CTNNA2: variants seen among roughly 807,000 people sequenced by gnomAD.
CTNNA2 encodes the protein catenin alpha-2.
CTNNA2 carries 42 observed loss-of-function variants against 101.0 expected under a neutral mutation model. That is an observed-to-expected ratio of 0.42 (90% CI 0.32 to 0.54). The LOEUF is 0.54. Among genes scored for constraint, CTNNA2 ranks in the 20% least tolerant of loss-of-function variants. CTNNA2 has a pLI of 0.14. For missense variants in CTNNA2, 871 were observed against 1,223.1 expected, an observed-to-expected ratio of 0.71 and a Z score of 4.29; for synonymous variants, 450 against 456.4, an observed-to-expected ratio of 0.99 and a Z score of 0.18.
At chr2:80,354,619 A>G (rs1340952963) in intron 7 of CTNNA2, among the ~76,000 whole-genome samples, 1 of 152,160 alleles carries the variant, frequency 6.6e-6, no homozygotes, top group Non-Finnish European at 1.5e-5. Flanking sequence ...AGTCTTAGGG[A>G]GGATAGCATT....
rs200571649 is a variant in CTNNA2 at position 79,325,766 on chromosome 2, A to G, written c.-318+12970A>G. ...CATTGCACCTTGTTCTTGTTTCATC[A>G]CAACACTTATCATACTGCTGACCAT... is the stretch of plus-strand genomic sequence containing the variant. On this transcript the variant is annotated intron_variant, in intron 3 of 21. Coordinates refer to the CTNNA2 transcript ENST00000466387. Among the ~76,000 whole-genome samples the G allele has an allele frequency of 2.0e-5, 3 of 152,160 alleles. No homozygotes were observed. In the East Asian group the frequency reaches 5.8e-4, roughly 29 times the overall value.
At chr2:80,279,052 G>A (rs1454043286) in intron 7 of CTNNA2, among the ~76,000 whole-genome samples, 1 of 69,030 alleles carries the variant, frequency 1.4e-5, no homozygotes, top group Admixed American at 1.7e-4. Flanking sequence ...ACTTTTACGT[G>A]TGTGTGTGTG....
At chr2:79,931,211 A>G (rs1687417605) in intron 7 of CTNNA2, among the ~76,000 whole-genome samples, 1 of 152,198 alleles carries the variant, frequency 6.6e-6, no homozygotes, top group Non-Finnish European at 1.5e-5. Flanking sequence ...CTTGTATGTT[A>G]TTGACTCACC....
intron 6 of CTNNA2, among the ~76,000 whole-genome samples, chr2:79,880,920 A>G (rs1406867035): frequency 1.3e-5 from 2 of 151,994 alleles, no homozygotes; most frequent in Non-Finnish European, 2.9e-5. Flanking sequence ...TAGTGTGTCG[A>G]CTTGAGATCT....
At position 80,620,673 on chromosome 2, in the gene CTNNA2, C is replaced by T. The variant is rs562031157; in HGVS notation, c.2574+1445C>T. On this transcript the variant is annotated intron_variant, in intron 18 of 18. Coordinates refer to ENST00000402739, the MANE Select transcript of CTNNA2 (RefSeq NM_001282597.3). ...GGTTTATCCCTCTTAAGTCTCTGAC[C>T]TACCTTCCATTAAAAGTACTAGACC... Among the ~76,000 whole-genome samples, 10 of 151,994 alleles carry T rather than the reference C, an allele frequency of 6.6e-5. No individual in the cohort carries two copies. In the South Asian group the frequency reaches 2.1e-3, roughly 32 times the overall value.
intron 7 of CTNNA2, among the ~76,000 whole-genome samples, chr2:80,048,150 GTA>G (rs1456622306): frequency 6.6e-6 from 1 of 151,990 alleles, no homozygotes; most frequent in Non-Finnish European, 1.5e-5. Flanking sequence ...CAACAACAGA[GTA>G]TCCAGTTAAA....
intron 1 of CTNNA2, among the ~76,000 whole-genome samples, chr2:79,620,149 T>A (rs948868243): frequency 3.9e-5 from 6 of 152,202 alleles, no homozygotes; most frequent in African/African-American, 9.6e-5. Flanking sequence ...GGCTTAACAT[T>A]CTTTAGTTGC....
intron 2 of CTNNA2, among the ~76,000 whole-genome samples, chr2:79,684,299 C>T (rs772942854): frequency 1.3e-5 from 2 of 152,002 alleles, no homozygotes; most frequent in Non-Finnish European, 2.9e-5. Context: ...TATCTTCTGC[C>T]CTGTTCTTTT....
intron 9 of CTNNA2, among the ~76,000 whole-genome samples, chr2:80,424,130 AT>A (rs1680776642): frequency 6.6e-6 from 1 of 152,022 alleles, no homozygotes; most frequent in Non-Finnish European, 1.5e-5. Flanking sequence ...TAATTTTTGT[AT>A]TTTTAGTAGA....
At chr2:79,528,312 C>CA (rs1166032528) in intron 1 of CTNNA2, among the ~76,000 whole-genome samples, 5 of 152,040 alleles carry the variant, frequency 3.3e-5, no homozygotes, top group African/African-American at 1.2e-4. Context: ...CCTAGACACA[C>CA]ACGATCCTCT....
intron 1 of CTNNA2, among the ~76,000 whole-genome samples, chr2:79,576,070 A>G (rs1411469064): frequency 6.6e-6 from 1 of 151,986 alleles, no homozygotes; most frequent in Admixed American, 6.6e-5. Flanking sequence ...CTTTTTTTGG[A>G]CTTACTTATG....
At chr2:80,176,508 C>T (rs1573306971) in intron 7 of CTNNA2, among the ~76,000 whole-genome samples, 1 of 152,322 alleles carries the variant, frequency 6.6e-6, no homozygotes, top group South Asian at 2.1e-4. Context: ...CTTCTACTAC[C>T]TATTCTGTAT....
intron 3 of CTNNA2, among the ~76,000 whole-genome samples, chr2:79,813,452 T>C (rs1677210151): frequency 6.6e-6 from 1 of 152,318 alleles, no homozygotes; most frequent in East Asian, 1.9e-4. Context: ...TATTGATGAA[T>C]TGAATTATGG....
chr2:80,153,715 C>T (rs1446142997), intron 7 of CTNNA2, among the ~76,000 whole-genome samples: 1 of 152,156 alleles, frequency 6.6e-6, no homozygotes, highest in Admixed American at 6.6e-5. Flanking sequence ...CTAATTAAAA[C>T]AACAACAACA....
At chr2:80,067,479 G>A (rs1468735824) in intron 7 of CTNNA2, among the ~76,000 whole-genome samples, 1 of 152,024 alleles carries the variant, frequency 6.6e-6, no homozygotes, top group Non-Finnish European at 1.5e-5. Context: ...ATTCTGGTGT[G>A]ATTTGTTTTA....
intron 1 of CTNNA2, among the ~76,000 whole-genome samples, chr2:79,566,573 T>A (rs775666764): frequency 6.6e-6 from 1 of 152,138 alleles, no homozygotes; most frequent in Non-Finnish European, 1.5e-5. Flanking sequence ...ACTCAGCTGG[T>A]TTCTTTCATT....
chr2:80,631,097 A>T (rs1407178647), intron 18 of CTNNA2, among the ~76,000 whole-genome samples: 1 of 152,172 alleles, frequency 6.6e-6, no homozygotes, highest in African/African-American at 2.4e-5. Flanking sequence ...TGTAATAAAT[A>T]TGGAGGTGAT....
chr2:80,338,081 T>C (rs58812905), intron 7 of CTNNA2, among the ~76,000 whole-genome samples: 11,301 of 151,992 alleles, frequency 0.074, 432 homozygotes, highest in Non-Finnish European at 0.088. Flanking sequence ...CTCTGCCTCT[T>C]GGGTTCAAGA....
At chr2:79,444,942 G>C (rs968175884) in intron 4 of CTNNA2, among the ~76,000 whole-genome samples, 8 of 152,084 alleles carry the variant, frequency 5.3e-5, no homozygotes, top group African/African-American at 1.9e-4. Flanking sequence ...TACCCTGGAA[G>C]AAGGGATTGA....
Sources: gnomAD v4.1 joint callset for allele counts (sites outside exome capture counted in the v4.1 genomes callset) on GRCh38, gnomAD v4.1.1 for gene constraint, MANE v1.5 for transcripts, NCBI Gene and HGNC (gene_info 2026-07-23, HGNC 2026-07-21) for gene names.